ANKRD36C: variants seen among roughly 807,000 people sequenced by gnomAD.
ANKRD36C encodes ankyrin repeat domain-containing protein 36C.
A neutral mutation model predicts 276.4 loss-of-function variants in ANKRD36C; 61 were observed. The observed-to-expected ratio is 0.22, with a 90% CI of 0.18 to 0.27. The LOEUF is 0.27. Ranked by LOEUF, ANKRD36C falls within the 10% of genes least tolerant of loss-of-function variation. ANKRD36C has a pLI of 1.00. For missense variants in ANKRD36C, 1,447 were observed against 2,032.3 expected (o/e 0.71, Z 5.54); for synonymous variants, 483 against 680.1 (o/e 0.71, Z 4.51).
intron 40 of ANKRD36C, among the ~76,000 whole-genome samples, chr2:95,913,304 G>A (rs962202199): frequency 2.7e-5 from 4 of 150,708 alleles, no homozygotes; most frequent in South Asian, 2.1e-4. Context: ...TGGGAGTATC[G>A]TGTTATTCTC....
At chr2:95,868,404 C>T (rs950707134) in intron 59 of ANKRD36C, among the ~76,000 whole-genome samples, 4 of 151,814 alleles carry the variant, frequency 2.6e-5, no homozygotes, top group East Asian at 1.9e-4. Context: ...TTCCAATTAG[C>T]GGTGTTTTGG....
intron 59 of ANKRD36C, among the ~76,000 whole-genome samples, chr2:95,869,270 A>T (rs1675748843): frequency 6.6e-6 from 1 of 152,142 alleles, no homozygotes; most frequent in South Asian, 2.1e-4. Context: ...TGAAAAACAT[A>T]AACCATGAAA....
At chr2:95,910,493 T>C (rs754452191) in intron 42 of ANKRD36C, 47 bp downstream of exon 45, 18 of 1,602,030 alleles carry the variant, frequency 1.1e-5, no homozygotes, top group Non-Finnish European at 1.4e-5. Flanking sequence ...GTATGTTTCA[T>C]AGACCATACA....
At chr2:95,964,007 ATATATATGTG>A (rs1378987198) in intron 6 of ANKRD36C, among the ~76,000 whole-genome samples, 300 of 27,266 alleles carry the variant, frequency 0.011, 6 homozygotes, top group Admixed American at 0.021. Context: ...ATATATATAT[ATATATATGTG>A]TGTGTGTGTC....
chr2:95,951,816 A>T (rs78387588), intron 14 of ANKRD36C, among the ~76,000 whole-genome samples: 2 of 152,276 alleles, frequency 1.3e-5, no homozygotes, highest in African/African-American at 2.4e-5. Flanking sequence ...TGTGCGAATT[A>T]CTTTCTGTGG....
exon 19 of ANKRD36C, chr2:95,944,653 A>T (rs1166352392): frequency 3.9e-6 from 6 of 1,537,102 alleles, no homozygotes; most frequent in African/African-American, 1.4e-5. Flanking sequence ...TCTTCAAACA[A>T]GGTTCCATTT....
At chr2:95,875,542 A>T (rs1355662255) in intron 59 of ANKRD36C, among the ~76,000 whole-genome samples, 2 of 61,012 alleles carry the variant, frequency 3.3e-5, no homozygotes, top group African/African-American at 6.6e-5. Flanking sequence ...GGGTGGGGGG[A>T]GGGGGGAGGG....
intron 40 of ANKRD36C, 21 bp from the exon 43 acceptor site, chr2:95,912,456 A>C (rs754613477): frequency 1.2e-6 from 2 of 1,604,860 alleles, no homozygotes; most frequent in African/African-American, 2.7e-5. Context: ...AAAGGGATAC[A>C]TAATCACTCA....
At chr2:95,974,869 G>A (rs1177679415) in intron 6 of ANKRD36C, among the ~76,000 whole-genome samples, 1 of 135,968 alleles carries the variant, frequency 7.4e-6, no homozygotes, top group African/African-American at 2.8e-5. Context: ...TGTTCTCATT[G>A]TTCAATTCCC....
intron 24 of ANKRD36C, among the ~76,000 whole-genome samples, chr2:95,933,914 G>C (rs1258582289): frequency 1.3e-5 from 2 of 152,228 alleles, no homozygotes; most frequent in Admixed American, 6.5e-5. Context: ...ACAAATTTAT[G>C]AGAAAAGAAC....
chr2:95,954,546 C>T lies in ANKRD36C; in HGVS notation c.1137-541G>A, dbSNP rs577959314. On this transcript the variant is annotated intron_variant, in intron 13 of 66. Transcript: ENST00000456556. Reference sequence around the variant, plus strand: ...AGAGGGCCCATTGATTCTTTTCACCCTAGAACACTACAGGGAGCCCCCCTG... The same window carrying T: ...AGAGGGCCCATTGATTCTTTTCACCTTAGAACACTACAGGGAGCCCCCCTG... Among the ~76,000 whole-genome samples the T allele has an allele frequency of 3.9e-5, 6 of 152,282 alleles. No homozygotes were observed. The East Asian group carries it at 1.2e-3, about 29-fold the overall frequency.
At chr2:95,883,078 A>T (rs750515959) in intron 54 of ANKRD36C, among the ~76,000 whole-genome samples, 1 of 152,032 alleles carries the variant, frequency 6.6e-6, no homozygotes, top group Admixed American at 6.6e-5. Context: ...TCATTTCTCA[A>T]ACCCACGTGG....
intron 32 of ANKRD36C, among the ~76,000 whole-genome samples, chr2:95,922,671 G>T (rs371457308): frequency 6.6e-6 from 1 of 151,594 alleles, no homozygotes; most frequent in Non-Finnish European, 1.5e-5. Flanking sequence ...AAATTGTCTT[G>T]TTAGGAGGAT....
chr2:95,867,203 G>C lies in ANKRD36C; in HGVS notation c.3682+237C>G, dbSNP rs555274408. 7.2e-5 allele frequency among the ~76,000 whole-genome samples: 11 copies of C among 152,294 alleles called. No homozygotes were observed. The South Asian group carries it at 2.3e-3, about 32-fold the overall frequency. On this transcript the variant is annotated intron_variant, in intron 60 of 66. Transcript: ENST00000456556. ...GGGGTAATGGCATAGAAGAGAAGCA[G>C]AGTAAACAAACACACTGTGTGTATC...
At chr2:95,963,984 T>TAAATATATATATATAA (rs1558658666) in intron 6 of ANKRD36C, among the ~76,000 whole-genome samples, 53 of 19,270 alleles carry the variant, frequency 2.8e-3, no homozygotes, top group African/African-American at 0.016. Context: ...TATATATATA[T>TAAATATATATATATAA]ATATATATAT....
At chr2:95,902,469 C>G (rs532979449) in intron 42 of ANKRD36C, among the ~76,000 whole-genome samples, 2 of 147,844 alleles carry the variant, frequency 1.4e-5, no homozygotes, top group Non-Finnish European at 3.0e-5. Context: ...CAGGGGTCTC[C>G]TTAGTTCTCC....
chr2:95,916,150 G>A, exon 37 of ANKRD36C: 1 of 1,605,240 alleles, frequency 6.2e-7, no homozygotes, highest in Non-Finnish European at 8.5e-7. Context: ...TACCTTCAAG[G>A]CTGGTTTTTT....
chr2:95,959,639 A>G (rs1678409580), intron 10 of ANKRD36C, among the ~76,000 whole-genome samples: 1 of 152,190 alleles, frequency 6.6e-6, no homozygotes, highest in Admixed American at 6.6e-5. Flanking sequence ...TTCTTTCTAA[A>G]ATAGTCTGGT....
rs375831536 is a variant in ANKRD36C, at chr2:95,932,646, C to G, written c.1735+2808G>C. Reference sequence around the variant, plus strand: ...TATAGAAAACCCAAAACCGTAACAGCTCAGAATCACCGTCTTAAAAGGCTG... The same window carrying G: ...TATAGAAAACCCAAAACCGTAACAGGTCAGAATCACCGTCTTAAAAGGCTG... On this transcript the variant is annotated intron_variant, in intron 24 of 66. Coordinates refer to ENST00000456556, the Ensembl canonical transcript of ANKRD36C. Among the ~76,000 whole-genome samples the G allele has an allele frequency of 8.0e-5, 11 of 137,558 alleles. No homozygotes were observed. In the East Asian group the frequency reaches 8.7e-4, roughly 11 times the overall value. The allele number at this position is 137,558 out of a possible 152,430, so 90.2% of individuals were successfully genotyped here.
Sources: gnomAD v4.1 joint callset for allele counts (sites outside exome capture counted in the v4.1 genomes callset) on GRCh38, gnomAD v4.1.1 for gene constraint, MANE v1.5 for transcripts, NCBI Gene and HGNC (gene_info 2026-07-23, HGNC 2026-07-21) for gene names.